NCAM1: variants seen among roughly 807,000 people sequenced by gnomAD.
NCAM1 encodes the protein antigen recognized by monoclonal antibody 5.1H11.
In NCAM1, 14 loss-of-function variants were observed where a neutral mutation model predicts 109.8. The ratio of observed to expected loss-of-function variants is 0.13; its 90% CI spans 0.08 to 0.20. The LOEUF (loss-of-function observed/expected upper bound fraction) is 0.20, where lower values mean the gene tolerates loss of function less well. Among genes scored for constraint, NCAM1 ranks in the 10% least tolerant of loss-of-function variants. The pLI is 1.00. For synonymous variants in NCAM1, 418 were observed against 442.9 expected, an observed-to-expected ratio of 0.94 and a Z score of 0.70; for missense variants, 774 against 1,109.9, an observed-to-expected ratio of 0.70 and a Z score of 4.30.
intron 1 of NCAM1, among the ~76,000 whole-genome samples, chr11:113,167,569 A>C (rs1214762496): frequency 1.4e-5 from 2 of 147,172 alleles, no homozygotes; most frequent in Non-Finnish European, 3.0e-5. Flanking sequence ...CCAAACTCTT[A>C]CTTAGCATTC....
chr11:113,046,673 G>A (rs569803126), intron 1 of NCAM1, among the ~76,000 whole-genome samples: 32 of 152,138 alleles, frequency 2.1e-4, no homozygotes, highest in Admixed American at 4.6e-4. Context: ...TAGATGGATA[G>A]CGAGATGGAT....
At chr11:113,167,282 A>C (rs1165294243) in intron 1 of NCAM1, among the ~76,000 whole-genome samples, 1 of 152,036 alleles carries the variant, frequency 6.6e-6, no homozygotes, top group Non-Finnish European at 1.5e-5. Context: ...AAGCTTCATC[A>C]CTCCCACACT....
intron 1 of NCAM1, among the ~76,000 whole-genome samples, chr11:113,096,469 C>A (rs1261419135): frequency 6.6e-6 from 1 of 151,996 alleles, no homozygotes; most frequent in African/African-American, 2.4e-5. Flanking sequence ...TTGTGTGTTA[C>A]GTTCAGGTTA....
At chr11:113,231,411 CTG>C (rs1945001683) in intron 9 of NCAM1, 6 of 1,063,732 alleles carry the variant, frequency 5.6e-6, no homozygotes, top group Non-Finnish European at 8.1e-6. Flanking sequence ...CCTGACATAA[CTG>C]AGTCTCATTT....
At chr11:113,003,587 C>T (rs1377998322) in intron 1 of NCAM1, among the ~76,000 whole-genome samples, 6 of 152,054 alleles carry the variant, frequency 3.9e-5, no homozygotes, top group Non-Finnish European at 1.5e-5. Flanking sequence ...TGGGATTTCC[C>T]CCCTATGTGG....
chr11:113,187,338 G>C (rs1480284317), intron 1 of NCAM1, among the ~76,000 whole-genome samples: 2 of 152,152 alleles, frequency 1.3e-5, no homozygotes, highest in African/African-American at 4.8e-5. Context: ...TTTCCCCAAG[G>C]GTTCAGGGAA....
intron 1 of NCAM1, among the ~76,000 whole-genome samples, chr11:113,105,273 G>A (rs1555092314): frequency 6.6e-6 from 1 of 152,194 alleles, no homozygotes; most frequent in East Asian, 1.9e-4. Flanking sequence ...CCCAGGAAGG[G>A]CATGGACCTC....
At chr11:113,151,019 G>A (rs1942206083) in intron 1 of NCAM1, among the ~76,000 whole-genome samples, 1 of 152,182 alleles carries the variant, frequency 6.6e-6, no homozygotes, top group Non-Finnish European at 1.5e-5. Context: ...TAAGTAGTAG[G>A]AGCAGGATAT....
chr11:113,045,712 C>A (rs185256067), intron 1 of NCAM1, among the ~76,000 whole-genome samples: 1 of 152,248 alleles, frequency 6.6e-6, no homozygotes, highest in African/African-American at 2.4e-5. Context: ...ATGATGGATT[C>A]AGAATGGATA....
chr11:113,265,191 A>G, intron 17 of NCAM1: 1 of 983,818 alleles, frequency 1.0e-6, no homozygotes. Flanking sequence ...ATAACAGTTC[A>G]TGTGAACTCA....
At chr11:113,008,421 T>C (rs2135076830) in intron 1 of NCAM1, among the ~76,000 whole-genome samples, 1 of 152,278 alleles carries the variant, frequency 6.6e-6, no homozygotes, top group Non-Finnish European at 1.5e-5. Flanking sequence ...CCAAGACAGT[T>C]TCAGAGCAGG....
chr11:113,272,808 T>TG, intron 19 of NCAM1: 1 of 415,792 alleles, frequency 2.4e-6, no homozygotes. Flanking sequence ...CCTGTGTCCG[T>TG]GCCTGTGCCT....
rs149687327 is a variant in NCAM1 at position 112,964,256 on chromosome 11, C to T, written c.52+2592C>T. 1.4e-4 allele frequency among the ~76,000 whole-genome samples: 21 copies of T among 147,488 alleles called. No individual in the cohort carries two copies. In the East Asian group the frequency reaches 3.5e-3, roughly 25 times the overall value. On this transcript the variant is annotated intron_variant, in intron 1 of 19. Transcript: ENST00000316851. ...AAAATTTACATATAAGGCAAGCTAA[C>T]CTTAATACGTCAAGTGAGTCCGATG...
intron 1 of NCAM1, among the ~76,000 whole-genome samples, chr11:113,072,074 G>A (rs1938296070): frequency 6.6e-6 from 1 of 152,170 alleles, no homozygotes; most frequent in Non-Finnish European, 1.5e-5. Context: ...GAACCTGAAA[G>A]ATGGAGGTTG....
intron 7 of NCAM1, among the ~76,000 whole-genome samples, chr11:113,208,818 C>T (rs1192786327): frequency 6.6e-6 from 1 of 152,190 alleles, no homozygotes; most frequent in Non-Finnish European, 1.5e-5. Context: ...CTGTCATACA[C>T]GGCGTTATCC....
intron 1 of NCAM1, among the ~76,000 whole-genome samples, chr11:113,091,573 G>T (rs542116698): frequency 6.6e-6 from 1 of 152,304 alleles, no homozygotes; most frequent in South Asian, 2.1e-4. Context: ...TAGGTGAAGG[G>T]AGATAATTAC....
intron 9 of NCAM1, among the ~76,000 whole-genome samples, chr11:113,224,755 C>G (rs1403491560): frequency 6.6e-6 from 1 of 152,254 alleles, no homozygotes; most frequent in Non-Finnish European, 1.5e-5. Context: ...AACGATCAGA[C>G]AGCAGCATTT....
chr11:112,966,442 T>C (rs542459315), intron 1 of NCAM1, among the ~76,000 whole-genome samples: 2 of 152,242 alleles, frequency 1.3e-5, no homozygotes, highest in African/African-American at 4.8e-5. Context: ...TAGGTTTCTA[T>C]GAGCTCCAGA....
intron 14 of NCAM1, chr11:113,240,955 C>A: frequency 1.9e-6 from 2 of 1,056,360 alleles, no homozygotes; most frequent in South Asian, 2.6e-5. Context: ...AAAGCAGCGT[C>A]GGGTTTTAGA....
Sources: gnomAD v4.1 joint callset for allele counts (sites outside exome capture counted in the v4.1 genomes callset) on GRCh38, gnomAD v4.1.1 for gene constraint, MANE v1.5 for transcripts, NCBI Gene and HGNC (gene_info 2026-07-23, HGNC 2026-07-21) for gene names.